JTB: variants seen among roughly 807,000 people sequenced by gnomAD.
JTB encodes the protein protein JTB.
Under a neutral mutation model 22.1 loss-of-function variants are expected in JTB, and 10 were observed. That is an observed-to-expected ratio of 0.45 (90% CI 0.28 to 0.77). The LOEUF (loss-of-function observed/expected upper bound fraction) is 0.77. JTB is among the 30% of genes least tolerant of loss of function. JTB has a pLI of 0.13. For synonymous variants in JTB, 83 were observed against 66.8 expected (o/e 1.24, Z -1.18); for missense variants, 137 against 180.3 (o/e 0.76, Z 1.38).
intron 4 of JTB, 54 bp downstream of exon 4, chr1:153,975,772 T>A: frequency 1.4e-6 from 2 of 1,405,240 alleles, no homozygotes; most frequent in Admixed American, 3.4e-5. Flanking sequence ...GGACCATCCA[T>A]CTAAAGTCAT....
At position 153,977,224 on chromosome 1, in the gene JTB, A is replaced by T; in HGVS notation, c.29T>A (p.Leu10His). MLAGAGRPG[L>H]PQGRHLCWLL... ...CCAGCAGAGGTGGCGGCCCTGGGGG[A>T]GGCCAGGCCTCCCGGCACCCGCAAG... is the stretch of plus-strand genomic sequence containing the variant. The change falls in exon 1 of 5, where the codon CTC becomes CAC. Residue 10 changes from leucine to histidine, a missense_variant. Leu to His is a moderately conservative substitution (Grantham distance 99). Transcript: ENST00000271843. The T allele has an allele frequency of 6.2e-7, 1 of 1,614,040 alleles. No homozygotes were observed. Among genetic ancestry groups the T allele is most frequent in the Non-Finnish European group, 8.5e-7 (1 of 1,180,000 alleles).
chr1:153,977,563 G>A lies in JTB; in HGVS notation c.-311C>T, dbSNP rs1648842899. On this transcript the variant is annotated 5_prime_UTR_variant, in exon 1 of 5. Transcript: ENST00000271843. Reference sequence around the variant, plus strand: ...GCTCACCTCCGCTCCCGCCCCCGACGCAGCCATCTAGCCCCGTGGAGGATC... The same window carrying A: ...GCTCACCTCCGCTCCCGCCCCCGACACAGCCATCTAGCCCCGTGGAGGATC... 1 of 1,110,430 alleles carries A rather than the reference G, an allele frequency of 9.0e-7. No individual in the cohort carries two copies. Among genetic ancestry groups the A allele is most frequent in the Non-Finnish European group, 1.1e-6 (1 of 906,034 alleles). 68.8% of individuals were successfully genotyped at this position (1,110,430 alleles called of 1,614,324 possible).
intron 1 of JTB, 50 bp from the exon 2 acceptor site, chr1:153,977,063 G>A: frequency 6.2e-7 from 1 of 1,614,006 alleles, no homozygotes; most frequent in Non-Finnish European, 8.5e-7. Flanking sequence ...AGAAAATAGG[G>A]CACCCCCTCC....
chr1:153,976,706 G>C lies in JTB; in HGVS notation c.191C>G (p.Ser64Cys). The part of the protein sequence containing the change: ...FVVAEECSPC[S>C]NFRAKTTPEC... ...ATAGATACTCACAGCCCGGAAATTA[G>C]AGCATGGAGAGCACTCTTCTGCTAC... Residue 64 changes from serine (S) to cysteine (C), a missense_variant, in exon 3 of 5, where the codon TCT (serine) becomes TGT (cysteine). Transcript: ENST00000271843. The C allele has an allele frequency of 1.2e-6, 2 of 1,613,650 alleles. No individual in the cohort carries two copies. The highest frequency in any genetic ancestry group is 1.7e-6 in the Non-Finnish European group (2 of 1,179,730).
In JTB at chr1:153,976,717, G is replaced by T; in HGVS notation, c.180C>A (p.Cys60Ter). Residue 60 changes from cysteine (C) to a stop codon, truncating the protein, a stop_gained, in exon 3 of 5, where the codon TGC becomes TGA. Transcript: ENST00000271843. LOFTEE classifies it high-confidence loss of function. ...LVEEFVVAEECSPCSNFRAKT... is the reference protein window; with the variant it reads ...LVEEFVVAEE ...CAGCCCGGAAATTAGAGCATGGAGAGCACTCTTCTGCTACCACAAACTCTT... is the reference window on the plus strand; with the variant it reads ...CAGCCCGGAAATTAGAGCATGGAGATCACTCTTCTGCTACCACAAACTCTT... 6.2e-7 allele frequency: 1 copy of T among 1,613,986 alleles called. No individual in the cohort carries two copies. The highest frequency in any genetic ancestry group is 8.5e-7 in the Non-Finnish European group (1 of 1,179,958).
rs1648709885 is a variant in JTB, at chr1:153,974,525, T to C, written c.*154A>G. 1 of 616,968 alleles carries C rather than the reference T, an allele frequency of 1.6e-6. No individual in the cohort carries two copies. The highest frequency in any genetic ancestry group is 1.8e-5 in the African/African-American group (1 of 55,260). The allele number at this position is 616,968 out of a possible 1,614,324, so 38.2% of individuals were successfully genotyped here. On this transcript the variant is annotated 3_prime_UTR_variant, in exon 5 of 5. Transcript: ENST00000271843. ...GAAGGGAAGGAAACCATTTTACTCT[T>C]TTTATTCTGCTCATTAATGATCTGA...
At chr1:153,974,878 A>T in intron 4 of JTB, 43 bp from the exon 5 acceptor site, 1 of 1,578,544 alleles carries the variant, frequency 6.3e-7, no homozygotes, top group Non-Finnish European at 8.7e-7. Context: ...AAGGCCAGAC[A>T]GCTTCTCCCT....
At chr1:153,975,719 C>G in intron 4 of JTB, 107 bp downstream of exon 4, 1 of 887,022 alleles carries the variant, frequency 1.1e-6, no homozygotes, top group Non-Finnish European at 1.8e-6. Flanking sequence ...GCCCCCTCTT[C>G]TTTCAGATAT....
rs2102181684 is a variant in JTB at position 153,974,413 on chromosome 1, AGTG to A, written c.*263_*265del. 1 of 420,354 alleles carries A rather than the reference AGTG, an allele frequency of 2.4e-6. No homozygotes were observed. The highest frequency in any genetic ancestry group is 3.6e-5 in the East Asian group (1 of 28,114). The allele number at this position is 420,354 out of a possible 1,614,324, so 26.0% of individuals were successfully genotyped here. A position where few individuals can be genotyped will look rare whatever the true frequency, so the allele number is the denominator to read the frequency against. On this transcript the variant is annotated 3_prime_UTR_variant, in exon 5 of 5. Coordinates refer to ENST00000271843, the MANE Select transcript of JTB (RefSeq NM_006694.4). ...TAGAAGAGGGGGAAAACAAGGGAGA[AGTG>A]GTGGGGAAGACTTGGTAGATTGGGG...
rs775673480 is a variant in JTB, at chr1:153,977,017, T to G, written c.84-4A>C. The G allele has an allele frequency of 5.0e-6, 8 of 1,614,152 alleles. No homozygotes were observed. Among genetic ancestry groups the G allele is most frequent in the Non-Finnish European group, 4.2e-6 (5 of 1,180,036 alleles). On this transcript the variant is annotated splice_polypyrimidine_tract_variant and splice_region_variant and intron_variant, in intron 1 of 4. Transcript: ENST00000271843. The stretch of plus-strand genomic sequence containing the variant: ...CTGCACGGGAGCCTCTGCTTGGCTG[T>G]AGCGGAGTTGGGGGAAGGGACAAAA...
chr1:153,976,325 G>T (rs946149437), intron 3 of JTB, among the ~76,000 whole-genome samples: 1 of 152,200 alleles, frequency 6.6e-6, no homozygotes, highest in African/African-American at 2.4e-5. Flanking sequence ...GCCAGGCATG[G>T]TGCAACGCGC....
intron 4 of JTB, 45 bp from the exon 5 acceptor site, chr1:153,974,880 C>T: frequency 2.5e-6 from 4 of 1,575,430 alleles, no homozygotes; most frequent in Non-Finnish European, 3.5e-6. Context: ...GGCCAGACAG[C>T]TTCTCCCTCT....
chr1:153,976,529 T>G (rs1428608946), intron 3 of JTB, among the ~76,000 whole-genome samples, 164 bp downstream of exon 3: 1 of 152,124 alleles, frequency 6.6e-6, no homozygotes. Flanking sequence ...AGGGGCACAT[T>G]TTCAGGGGAA....
Position 153,977,285 on chromosome 1 carries a change from G to A in JTB, c.-33C>T, listed in dbSNP as rs528913071. 43 of 1,612,080 alleles carry A rather than the reference G, an allele frequency of 2.7e-5. No homozygotes were observed. Among genetic ancestry groups the A allele is most frequent in the South Asian group, 1.1e-5 (1 of 90,824 alleles). On this transcript the variant is annotated 5_prime_UTR_variant, in exon 1 of 5. Transcript: ENST00000271843. ...CAAGTGTCGCACCTGTCGGAACAGAGGGACCTACTCCACAGGCCTCGTGCC... is the reference window on the plus strand; with the variant it reads ...CAAGTGTCGCACCTGTCGGAACAGAAGGACCTACTCCACAGGCCTCGTGCC...
At chr1:153,975,365 C>T (rs981240882) in intron 4 of JTB, among the ~76,000 whole-genome samples, 6 of 150,908 alleles carry the variant, frequency 4.0e-5, no homozygotes, top group Non-Finnish European at 7.4e-5. Context: ...GTGATCCACC[C>T]GCCTCGGCCT....
chr1:153,975,170 G>A lies in JTB; in HGVS notation c.285-335C>T, dbSNP rs371262769. On this transcript the variant is annotated intron_variant, in intron 4 of 4. Transcript: ENST00000271843. ...GGTGTCTCGCTCTGTCACCCAGACT[G>A]GAGTGCAGTGGCGTGACCTTGGCTC... 4.6e-5 allele frequency among the ~76,000 whole-genome samples: 7 copies of A among 152,280 alleles called. No homozygotes were observed. The East Asian group carries it at 5.8e-4, about 13-fold the overall frequency.
At chr1:153,976,392 C>T (rs1648796490) in intron 3 of JTB, among the ~76,000 whole-genome samples, 1 of 152,012 alleles carries the variant, frequency 6.6e-6, no homozygotes, top group Non-Finnish European at 1.5e-5. Flanking sequence ...ACCCGGGAGG[C>T]GGAGGTTGTG....
At chr1:153,976,610 T>G in intron 3 of JTB, 83 bp downstream of exon 3, 1 of 1,139,604 alleles carries the variant, frequency 8.8e-7, no homozygotes, top group Non-Finnish European at 1.3e-6. Context: ...AAAGGCAGCT[T>G]AATAAGACTT....
At position 153,974,471 on chromosome 1, in the gene JTB, G is replaced by A. The variant is rs1045358979; in HGVS notation, c.*208C>T. On this transcript the variant is annotated 3_prime_UTR_variant, in exon 5 of 5. Coordinates refer to ENST00000271843, the MANE Select transcript of JTB (RefSeq NM_006694.4). Reference sequence around the variant, plus strand: ...AAGTAACCACCTCCTTTCCCTCTCTGCCCCCATGACTTCCTGCTCCAAGTT... The same window carrying A: ...AAGTAACCACCTCCTTTCCCTCTCTACCCCCATGACTTCCTGCTCCAAGTT... 3 of 456,956 alleles carry A rather than the reference G, an allele frequency of 6.6e-6. No homozygotes were observed. The East Asian group carries it at 9.7e-5, about 15-fold the overall frequency. The allele number at this position is 456,956 out of a possible 1,614,324, so 28.3% of individuals were successfully genotyped here. A position where few individuals can be genotyped will look rare whatever the true frequency, so the allele number is the denominator to read the frequency against.
Sources: allele counts gnomAD v4.1 joint callset (sites outside exome capture counted in the v4.1 genomes callset), GRCh38; gene constraint gnomAD v4.1.1; transcripts MANE v1.5; gene names NCBI Gene and HGNC (gene_info 2026-07-23, HGNC 2026-07-21).